The following SOX5 variants were observed in gnomAD, a reference collection of about 807,000 sequenced individuals.
SOX5 encodes the protein SRY-box transcription factor 5.
Under a neutral mutation model 92.0 loss-of-function variants are expected in SOX5, and 9 were observed. The observed-to-expected ratio is 0.10, with a 90% CI of 0.06 to 0.17. The LOEUF (loss-of-function observed/expected upper bound fraction) is 0.17, where lower values mean the gene tolerates loss of function less well. Among genes scored for constraint, SOX5 ranks in the 10% least tolerant of loss-of-function variants. The pLI, the probability that SOX5 is intolerant of heterozygous loss-of-function variation, is 1.00. For synonymous variants in SOX5, 344 were observed against 336.3 expected (o/e 1.02, Z -0.25); for missense variants, 642 against 944.5 (o/e 0.68, Z 4.20).
At chr12:23,898,537 A>T (rs1308771566) in intron 1 of SOX5, among the ~76,000 whole-genome samples, 2 of 152,336 alleles carry the variant, frequency 1.3e-5, no homozygotes, top group South Asian at 4.1e-4. Context: ...AACATCAATT[A>T]TGAAAACTGA....
At chr12:23,973,747 G>A (rs889774691) in intron 4 of SOX5, among the ~76,000 whole-genome samples, 2 of 152,122 alleles carry the variant, frequency 1.3e-5, no homozygotes, top group Admixed American at 1.3e-4. Context: ...GGAGGTGAGC[G>A]GCAAACGAGT....
intron 1 of SOX5, among the ~76,000 whole-genome samples, chr12:24,497,043 A>C (rs1298653361): frequency 2.6e-5 from 4 of 152,232 alleles, no homozygotes; most frequent in Non-Finnish European, 5.9e-5. Flanking sequence ...GTCCTCCAAC[A>C]AAGACACTGA....
At chr12:24,155,971 A>G (rs1952124420) in intron 4 of SOX5, among the ~76,000 whole-genome samples, 1 of 152,098 alleles carries the variant, frequency 6.6e-6, no homozygotes, top group Admixed American at 6.6e-5. Context: ...CTGTTTATGG[A>G]CGCTATTTCT....
intron 3 of SOX5, among the ~76,000 whole-genome samples, chr12:23,813,928 A>T (rs1594714552): frequency 6.6e-6 from 1 of 152,188 alleles, no homozygotes; most frequent in African/African-American, 2.4e-5. Flanking sequence ...ATGCGGCAAA[A>T]TAAGGGCGAT....
At chr12:23,877,066 T>C (rs962731085) in intron 2 of SOX5, among the ~76,000 whole-genome samples, 7 of 152,050 alleles carry the variant, frequency 4.6e-5, no homozygotes, top group Non-Finnish European at 7.4e-5. Flanking sequence ...GGGTACAGCA[T>C]ACCACTATGG....
At chr12:23,711,324 G>A (rs16926623) in intron 6 of SOX5, among the ~76,000 whole-genome samples, 1,915 of 152,134 alleles carry the variant, frequency 0.013, 23 homozygotes, top group Middle Eastern at 0.051. Flanking sequence ...ACTTAGCACC[G>A]TCAATTAACA....
At chr12:23,960,898 G>A (rs1036481636) in intron 4 of SOX5, among the ~76,000 whole-genome samples, 1 of 152,050 alleles carries the variant, frequency 6.6e-6, no homozygotes. Context: ...GGGGACAGGT[G>A]TGAGATTAAA....
intron 2 of SOX5, among the ~76,000 whole-genome samples, chr12:23,871,386 C>A (rs1047775881): frequency 1.2e-4 from 19 of 152,082 alleles, no homozygotes; most frequent in African/African-American, 4.6e-4. Flanking sequence ...TCAATTCAAG[C>A]TACTAAAGGA....
intron 11 of SOX5, among the ~76,000 whole-genome samples, chr12:23,557,069 T>C (rs1945304043): frequency 6.6e-6 from 1 of 152,218 alleles, no homozygotes; most frequent in Non-Finnish European, 1.5e-5. Flanking sequence ...TGTCATTTCA[T>C]GTTTGGCACT....
intron 4 of SOX5, among the ~76,000 whole-genome samples, chr12:24,129,783 A>G (rs1949469548): frequency 6.6e-6 from 1 of 152,260 alleles, no homozygotes; most frequent in Non-Finnish European, 1.5e-5. Context: ...ACATTTAATA[A>G]AGAGTATTCA....
At chr12:24,053,150 G>A (rs1287897560) in intron 4 of SOX5, among the ~76,000 whole-genome samples, 3 of 149,554 alleles carry the variant, frequency 2.0e-5, no homozygotes, top group African/African-American at 7.4e-5. Flanking sequence ...CACCTTTCCA[G>A]TAACTTTTGA....
intron 2 of SOX5, among the ~76,000 whole-genome samples, chr12:23,885,439 T>C (rs1028680419): frequency 2.0e-5 from 3 of 152,220 alleles, no homozygotes; most frequent in African/African-American, 7.2e-5. Context: ...ACAAGATTAA[T>C]TGTTTTATCT....
At chr12:24,121,910 A>G (rs11611404) in intron 4 of SOX5, among the ~76,000 whole-genome samples, 1 of 144,204 alleles carries the variant, frequency 6.9e-6, no homozygotes, top group Non-Finnish European at 1.5e-5. Flanking sequence ...AAAAAAAAAA[A>G]GGGATGAGAT....
chr12:24,033,109 C>T (rs1955675685), intron 4 of SOX5, among the ~76,000 whole-genome samples: 1 of 151,800 alleles, frequency 6.6e-6, no homozygotes, highest in Non-Finnish European at 1.5e-5. Flanking sequence ...ACCATGAGGT[C>T]ATTTAGGGAA....
chr12:24,383,467 T>A (rs1958037694), intron 1 of SOX5, among the ~76,000 whole-genome samples: 1 of 152,248 alleles, frequency 6.6e-6, no homozygotes, highest in Non-Finnish European at 1.5e-5. Context: ...TCCAAAAATC[T>A]TCAATGGAAA....
chr12:24,375,373 AT>A (rs1174112096), intron 1 of SOX5, among the ~76,000 whole-genome samples: 1 of 152,130 alleles, frequency 6.6e-6, no homozygotes, highest in Non-Finnish European at 1.5e-5. Context: ...AACAAAGAGG[AT>A]TTGACACAGC....
At chr12:24,344,391 C>G (rs568345750) in intron 2 of SOX5, among the ~76,000 whole-genome samples, 50 of 151,774 alleles carry the variant, frequency 3.3e-4, no homozygotes, top group African/African-American at 1.2e-3. Flanking sequence ...TGCTGCTTGG[C>G]CAGTTTGCGA....
At chr12:23,591,682 A>T (rs543584301) in intron 9 of SOX5, among the ~76,000 whole-genome samples, 1 of 152,282 alleles carries the variant, frequency 6.6e-6, no homozygotes, top group South Asian at 2.1e-4. Flanking sequence ...CCCTGTATTC[A>T]TGTAGGGTTG....
At chr12:24,201,719 T>A (rs770290681) in intron 4 of SOX5, among the ~76,000 whole-genome samples, 38 of 152,172 alleles carry the variant, frequency 2.5e-4, no homozygotes, top group Non-Finnish European at 5.1e-4. Flanking sequence ...CCCATCTCAC[T>A]GGCACCATCA....
Sources: allele counts gnomAD v4.1 joint callset (sites outside exome capture counted in the v4.1 genomes callset), GRCh38; gene constraint gnomAD v4.1.1; transcripts MANE v1.5; gene names NCBI Gene and HGNC (gene_info 2026-07-23, HGNC 2026-07-21).